The following SLC25A21 variants were observed in gnomAD, a reference collection of about 807,000 sequenced individuals.
SLC25A21 encodes the protein mitochondrial 2-oxodicarboxylate carrier.
Under a neutral mutation model 43.8 loss-of-function variants are expected in SLC25A21, and 47 were observed. That is an observed-to-expected ratio of 1.07 (90% CI 0.85 to 1.37). The LOEUF (loss-of-function observed/expected upper bound fraction) is 1.37, where lower values mean the gene tolerates loss of function less well. SLC25A21 is among the 40% of genes most tolerant of loss of function. SLC25A21 has a pLI of 0.00. For missense variants in SLC25A21, 352 were observed against 350.2 expected, an observed-to-expected ratio of 1.00 and a Z score of -0.04; for synonymous variants, 131 against 121.3, an observed-to-expected ratio of 1.08 and a Z score of -0.52.
At chr14:36,984,847 A>T (rs1157628367) in intron 1 of SLC25A21, among the ~76,000 whole-genome samples, 3 of 152,034 alleles carry the variant, frequency 2.0e-5, no homozygotes, top group African/African-American at 7.3e-5. Context: ...AAGGACTATA[A>T]ATCATGCTGC....
intron 3 of SLC25A21, among the ~76,000 whole-genome samples, chr14:36,742,421 C>T (rs893008787): frequency 1.3e-5 from 2 of 152,198 alleles, no homozygotes; most frequent in African/African-American, 4.8e-5. Context: ...CTACACACTA[C>T]ACCTTTAGGG....
At chr14:36,736,336 C>T (rs1393438945) in intron 3 of SLC25A21, among the ~76,000 whole-genome samples, 2 of 152,128 alleles carry the variant, frequency 1.3e-5, no homozygotes, top group African/African-American at 4.8e-5. Flanking sequence ...GTTGTCCCCA[C>T]CCCTTTTCCA....
intron 1 of SLC25A21, among the ~76,000 whole-genome samples, chr14:36,966,697 C>T (rs1029791233): frequency 2.0e-5 from 3 of 152,168 alleles, no homozygotes; most frequent in East Asian, 1.9e-4. Flanking sequence ...TCTTGAACTC[C>T]GCAGTCTAAA....
intron 1 of SLC25A21, among the ~76,000 whole-genome samples, chr14:37,064,045 G>A (rs999380551): frequency 2.6e-5 from 4 of 152,160 alleles, no homozygotes; most frequent in African/African-American, 9.6e-5. Flanking sequence ...AAAGATTGAT[G>A]GATGAGTCAG....
chr14:36,710,849 G>A (rs575819143), intron 7 of SLC25A21, among the ~76,000 whole-genome samples: 1 of 152,082 alleles, frequency 6.6e-6, no homozygotes, highest in East Asian at 1.9e-4. Context: ...AATTAACCTA[G>A]ATTAAAAATT....
chr14:37,012,749 A>G (rs1230865781), intron 1 of SLC25A21, among the ~76,000 whole-genome samples: 1 of 152,234 alleles, frequency 6.6e-6, no homozygotes, highest in Non-Finnish European at 1.5e-5. Context: ...CTCAATTTTC[A>G]TAATAGATCA....
intron 1 of SLC25A21, among the ~76,000 whole-genome samples, chr14:37,080,880 A>C (rs565390613): frequency 1.6e-4 from 25 of 152,288 alleles, no homozygotes; most frequent in African/African-American, 5.1e-4. Flanking sequence ...GGACGGTGGC[A>C]GGGTCAACTT....
At chr14:36,927,040 T>G (rs1395912672) in intron 1 of SLC25A21, among the ~76,000 whole-genome samples, 1 of 152,078 alleles carries the variant, frequency 6.6e-6, no homozygotes, top group Non-Finnish European at 1.5e-5. Flanking sequence ...CGTGGTCGTG[T>G]GTGCCTGTTG....
chr14:37,060,622 C>G lies in SLC25A21; in HGVS notation c.70+111659G>C. Among the ~76,000 whole-genome samples, 2 of 151,784 alleles carry G rather than the reference C, an allele frequency of 1.3e-5. 1 individual carries two copies. On this transcript the variant is annotated intron_variant, in intron 1 of 9. Transcript: ENST00000331299. ...ATTAAACACCACACACACACACACA[C>G]ACACAATGCAAATAAACCCTGGATG...
chr14:37,014,500 T>A (rs1960802670), intron 1 of SLC25A21, among the ~76,000 whole-genome samples: 1 of 152,168 alleles, frequency 6.6e-6, no homozygotes. Flanking sequence ...CCTCCACTTC[T>A]AATTCTCGTT....
intron 3 of SLC25A21, among the ~76,000 whole-genome samples, chr14:36,786,496 C>G (rs1566612589): frequency 6.6e-6 from 1 of 152,208 alleles, no homozygotes; most frequent in Non-Finnish European, 1.5e-5. Flanking sequence ...GACAACTAGT[C>G]AGGAGATTTG....
chr14:37,104,812 C>T (rs768298853), intron 1 of SLC25A21, among the ~76,000 whole-genome samples: 1 of 152,198 alleles, frequency 6.6e-6, no homozygotes, highest in Admixed American at 6.5e-5. Flanking sequence ...GTGTTCTTAA[C>T]CATTAGTCTT....
At chr14:36,985,588 A>G (rs1566792734) in intron 1 of SLC25A21, among the ~76,000 whole-genome samples, 1 of 152,112 alleles carries the variant, frequency 6.6e-6, no homozygotes, top group African/African-American at 2.4e-5. Context: ...GTCTTTCTTT[A>G]CGATTAGATT....
intron 1 of SLC25A21, among the ~76,000 whole-genome samples, chr14:36,911,437 T>C (rs1046459158): frequency 5.9e-5 from 9 of 152,080 alleles, no homozygotes; most frequent in Admixed American, 1.3e-4. Context: ...CAGCCAACAA[T>C]TGTATTCCTG....
intron 1 of SLC25A21, among the ~76,000 whole-genome samples, chr14:37,135,936 T>C (rs532187751): frequency 1.3e-5 from 2 of 152,326 alleles, no homozygotes; most frequent in Admixed American, 1.3e-4. Context: ...AAATGGTATG[T>C]ATTATGATAG....
At chr14:36,964,674 G>A (rs1594723683) in intron 1 of SLC25A21, among the ~76,000 whole-genome samples, 2 of 152,238 alleles carry the variant, frequency 1.3e-5, no homozygotes, top group South Asian at 4.2e-4. Flanking sequence ...ATACATTTAG[G>A]TATTAAGCAG....
chr14:36,751,722 T>G (rs750974834), intron 3 of SLC25A21, among the ~76,000 whole-genome samples: 1 of 152,216 alleles, frequency 6.6e-6, no homozygotes, highest in African/African-American at 2.4e-5. Context: ...ATCATTGAAA[T>G]AGTAAACATA....
rs183712405 is a variant in SLC25A21, at chr14:37,098,871, C to T, written c.70+73410G>A. ...AGGCTGGAGTGCAATGGCATGATCT[C>T]GGCTCACTGCAGCCTCCACCTCCTG... On this transcript the variant is annotated intron_variant, in intron 1 of 9. Coordinates refer to ENST00000331299, the MANE Select transcript of SLC25A21 (RefSeq NM_030631.4). 2.2e-3 allele frequency among the ~76,000 whole-genome samples: 330 copies of T among 150,968 alleles called. 5 individuals carry two copies. The highest frequency in any genetic ancestry group is 0.017 in the Admixed American group (262 of 15,128).
chr14:37,082,334 T>C (rs1003138162), intron 1 of SLC25A21, among the ~76,000 whole-genome samples: 12 of 152,196 alleles, frequency 7.9e-5, no homozygotes, highest in African/African-American at 2.4e-4. Context: ...CTCAGTATCA[T>C]GCAATATTCC....
Sources: allele counts gnomAD v4.1 joint callset (sites outside exome capture counted in the v4.1 genomes callset), GRCh38; gene constraint gnomAD v4.1.1; transcripts MANE v1.5; gene names NCBI Gene and HGNC (gene_info 2026-07-23, HGNC 2026-07-21).